Variants in SPRY3 observed in about 807,000 individuals in gnomAD.
The protein encoded by SPRY3 is sprouty RTK signaling antagonist 3.
In SPRY3, 15 loss-of-function variants were observed where a neutral mutation model predicts 20.2. The observed-to-expected ratio is 0.74, with a 90% confidence interval of 0.50 to 1.14. The LOEUF (loss-of-function observed/expected upper bound fraction) is 1.14, where lower values mean the gene tolerates loss of function less well. Ranked by LOEUF, SPRY3 falls within the 50% of genes most tolerant of loss-of-function variation. SPRY3 has a pLI of 0.00. For missense variants in SPRY3, 364 were observed against 363.9 expected (o/e 1.00, Z 0.00); for synonymous variants, 143 against 136.5 (o/e 1.05, Z -0.33).
chrX:155,731,119 CA>C, intron 2 of SPRY3, among the ~76,000 whole-genome samples: 1 of 152,130 alleles, frequency 6.6e-6, no homozygotes, highest in East Asian at 1.9e-4. Context: ...CAATCCCTAT[CA>C]AAATACCAAT....
intron 2 of SPRY3, among the ~76,000 whole-genome samples, chrX:155,698,521 C>A (rs1187840901): frequency 8.9e-6 from 1 of 111,802 alleles, no homozygotes; most frequent in Non-Finnish European, 1.9e-5. Flanking sequence ...CATCAATTCC[C>A]AGGGAAGAGA....
chrX:155,767,368 C>T (rs1465969806), intron 2 of SPRY3, among the ~76,000 whole-genome samples: 4 of 152,062 alleles, frequency 2.6e-5, no homozygotes, highest in Non-Finnish European at 1.5e-5. Context: ...ACACTGCCAA[C>T]TCACTCCCTG....
At chrX:155,772,943 G>C (rs963611524) in intron 3 of SPRY3, among the ~76,000 whole-genome samples, 8 of 152,088 alleles carry the variant, frequency 5.3e-5, no homozygotes, top group Admixed American at 4.6e-4. Flanking sequence ...GATGATTTTT[G>C]AAATAATTCA....
chrX:155,749,372 C>T (rs902584598), intron 2 of SPRY3, among the ~76,000 whole-genome samples: 7 of 151,458 alleles, frequency 4.6e-5, no homozygotes, highest in Admixed American at 4.6e-4. Context: ...GTAAGGGAGA[C>T]AGCAAGTGAC....
At chrX:155,708,287 C>T (rs758986289) in intron 2 of SPRY3, among the ~76,000 whole-genome samples, 32 of 151,510 alleles carry the variant, frequency 2.1e-4, no homozygotes, top group African/African-American at 7.7e-4. Context: ...TTCTGAATAA[C>T]ATAGTATTCT....
rs574602603 is a variant in SPRY3 at position 155,764,379 on chromosome X, A to G, written c.-281-3583A>G. On this transcript the variant is annotated intron_variant, in intron 2 of 3. Transcript: ENST00000675360. ...TAAAAGAAGTTGTCTGGCAATACAT[A>G]GTGAGTTTTGTAATGTCTCAACATC... Among the ~76,000 whole-genome samples, 6 of 151,416 alleles carry G rather than the reference A, an allele frequency of 4.0e-5. No individual in the cohort carries two copies. In the South Asian group the frequency reaches 8.3e-4, roughly 21 times the overall value.
chrX:155,727,532 C>T (rs1395809095), intron 2 of SPRY3, among the ~76,000 whole-genome samples: 1 of 152,104 alleles, frequency 6.6e-6, no homozygotes, highest in African/African-American at 2.4e-5. Flanking sequence ...TGTCTTCTCA[C>T]TTTATTTCAT....
intron 1 of SPRY3, among the ~76,000 whole-genome samples, chrX:155,645,034 C>A (rs1412017728): frequency 1.8e-5 from 2 of 111,419 alleles, no homozygotes; most frequent in Non-Finnish European, 3.8e-5. Flanking sequence ...GACCCAAGGG[C>A]TCTTCAGTCA....
chrX:155,654,925 C>A (rs1040892170), intron 1 of SPRY3, among the ~76,000 whole-genome samples: 1 of 110,990 alleles, frequency 9.0e-6, no homozygotes, highest in Non-Finnish European at 1.9e-5. Flanking sequence ...ATTTTTCGTT[C>A]TTTGAGAATC....
chrX:155,766,664 A>C (rs992213621), intron 2 of SPRY3, among the ~76,000 whole-genome samples: 1 of 152,280 alleles, frequency 6.6e-6, no homozygotes, highest in Middle Eastern at 3.4e-3. Context: ...ATCCTTTCCT[A>C]TTGAATTAAA....
intron 2 of SPRY3, among the ~76,000 whole-genome samples, chrX:155,673,111 G>A (rs1557354973): frequency 1.1e-5 from 1 of 93,569 alleles, no homozygotes. Context: ...TATACCTAAT[G>A]CTAAATGACA....
Position 155,719,707 on chromosome X carries a change from C to G in SPRY3, c.-281-48255C>G, listed in dbSNP as rs2091044143. ...AGGGCCTAGCTCCCAGACGACAATA[C>G]TAGACACACCCTGGGCCAGAAGGAA... On this transcript the variant is annotated intron_variant, in intron 2 of 3. Coordinates refer to ENST00000675360, the Ensembl canonical transcript of SPRY3. Among the ~76,000 whole-genome samples the G allele has an allele frequency of 3.9e-5, 6 of 152,182 alleles. No individual in the cohort carries two copies. In the South Asian group the frequency reaches 1.2e-3, roughly 32 times the overall value.
chrX:155,770,543 G>C (rs73638004), intron 3 of SPRY3, among the ~76,000 whole-genome samples: 1 of 152,082 alleles, frequency 6.6e-6, no homozygotes, highest in East Asian at 1.9e-4. Context: ...GAGGCACTAC[G>C]TGACAAAAAT....
At chrX:155,640,541 CTG>C (rs1478229484) in intron 1 of SPRY3, among the ~76,000 whole-genome samples, 1 of 111,665 alleles carries the variant, frequency 9.0e-6, no homozygotes, top group African/African-American at 3.2e-5. Flanking sequence ...ATTAATAATA[CTG>C]TTTTTTCCAA....
intron 1 of SPRY3, among the ~76,000 whole-genome samples, chrX:155,640,085 G>A (rs1557351303): frequency 9.0e-6 from 1 of 111,490 alleles, no homozygotes; most frequent in Non-Finnish European, 1.9e-5. Flanking sequence ...CGAGTTGCAG[G>A]AGTTTCTTAT....
At chrX:155,758,062 C>T (rs979933407) in intron 2 of SPRY3, among the ~76,000 whole-genome samples, 2 of 152,234 alleles carry the variant, frequency 1.3e-5, no homozygotes, top group African/African-American at 4.8e-5. Context: ...TTGGCTAGCC[C>T]ATCATTATTT....
At chrX:155,716,526 CT>C (rs1304890185) in intron 2 of SPRY3, among the ~76,000 whole-genome samples, 1 of 151,914 alleles carries the variant, frequency 6.6e-6, no homozygotes, top group Non-Finnish European at 1.5e-5. Flanking sequence ...TGAAACCTAA[CT>C]TTTTTAGGTA....
At chrX:155,754,435 A>G (rs2091275874) in intron 2 of SPRY3, among the ~76,000 whole-genome samples, 1 of 152,048 alleles carries the variant, frequency 6.6e-6, no homozygotes, top group African/African-American at 2.4e-5. Flanking sequence ...TCTCAATTAT[A>G]TTACATTTGA....
At chrX:155,766,320 A>T (rs2091329441) in intron 2 of SPRY3, among the ~76,000 whole-genome samples, 1 of 152,132 alleles carries the variant, frequency 6.6e-6, no homozygotes, top group South Asian at 2.1e-4. Flanking sequence ...AGAGTGTCAG[A>T]GGTAGAAAGG....
Sources: gnomAD v4.1 joint callset for allele counts (sites outside exome capture counted in the v4.1 genomes callset) on GRCh38, gnomAD v4.1.1 for gene constraint, MANE v1.5 for transcripts, NCBI Gene and HGNC (gene_info 2026-07-23, HGNC 2026-07-21) for gene names.